SLC16A7: variants seen among roughly 807,000 people sequenced by gnomAD.
SLC16A7 encodes the protein solute carrier family 16 member 7.
A neutral mutation model predicts 34.9 loss-of-function variants in SLC16A7; 33 were observed. The observed-to-expected ratio is 0.94, with a 90% CI of 0.72 to 1.26. SLC16A7 has a LOEUF of 1.26. Ranked by LOEUF, SLC16A7 falls within the 50% of genes most tolerant of loss-of-function variation. The pLI, the probability that SLC16A7 is intolerant of heterozygous loss-of-function variation, is 0.00. For missense variants in SLC16A7, 573 were observed against 578.1 expected (o/e 0.99, Z 0.09); for synonymous variants, 201 against 206.6 (o/e 0.97, Z 0.23).
rs1186426806 is a variant in SLC16A7 at position 59,774,725 on chromosome 12, CCCATGGCAAATGGATTGG to C, written c.439_456del (p.Asn147_Ala152del). 2 of 1,613,440 alleles carry C rather than the reference CCCATGGCAAATGGATTGG, an allele frequency of 1.2e-6. No homozygotes were observed. The highest frequency in any genetic ancestry group is 2.7e-5 in the African/African-American group (2 of 74,882). On this transcript the variant is annotated inframe_deletion, in exon 5 of 6. Transcript: ENST00000547379. The stretch of plus-strand genomic sequence containing the variant: ...TGGCAAATACTTCTATAGGAAGCGA[CCCATGGCAAATGGATTGG>C]CCATGGCAGGAAGTCCTGTTTTCTT...
intron 3 of SLC16A7, among the ~76,000 whole-genome samples, chr12:59,756,426 C>T (rs1415668967): frequency 2.0e-5 from 3 of 151,436 alleles, no homozygotes; most frequent in Admixed American, 6.6e-5. Context: ...AACAAACAAC[C>T]CCATCAAAAA....
rs1351701227 is a variant in SLC16A7, at chr12:59,601,337, T to G, written c.-130+5101T>G. Among the ~76,000 whole-genome samples the G allele has an allele frequency of 2.0e-5, 3 of 152,212 alleles. No individual in the cohort carries two copies. The East Asian group carries it at 5.8e-4, about 29-fold the overall frequency. Reference sequence around the variant, plus strand: ...ATATCTATATCTTTTTTAACTAGATTAGATAAGAATAAAAAATAAAACTAC... The same window carrying G: ...ATATCTATATCTTTTTTAACTAGATGAGATAAGAATAAAAAATAAAACTAC... On this transcript the variant is annotated intron_variant, in intron 1 of 5. Coordinates refer to ENST00000547379, the MANE Select transcript of SLC16A7 (RefSeq NM_001270623.2).
intron 3 of SLC16A7, among the ~76,000 whole-genome samples, chr12:59,751,079 G>A (rs1056168805): frequency 1.4e-4 from 21 of 151,276 alleles, no homozygotes; most frequent in Non-Finnish European, 4.4e-5. Flanking sequence ...GGGGCTAGGG[G>A]AGGGACAGCA....
At chr12:59,765,421 G>T (rs1881494337) in intron 3 of SLC16A7, among the ~76,000 whole-genome samples, 2 of 152,188 alleles carry the variant, frequency 1.3e-5, no homozygotes, top group Non-Finnish European at 2.9e-5. Flanking sequence ...CCTATGTCCT[G>T]AATGGTAATG....
intron 3 of SLC16A7, among the ~76,000 whole-genome samples, chr12:59,759,337 G>A (rs1230000339): frequency 6.6e-6 from 1 of 151,802 alleles, no homozygotes; most frequent in African/African-American, 2.4e-5. Flanking sequence ...CATTAAAATA[G>A]GACCCCATTT....
At chr12:59,601,298 A>G (rs540699772) in intron 1 of SLC16A7, among the ~76,000 whole-genome samples, 10 of 152,376 alleles carry the variant, frequency 6.6e-5, no homozygotes, top group Non-Finnish European at 1.2e-4. Flanking sequence ...TGCCCTACTA[A>G]GTAATTAACT....
chr12:59,663,435 C>T (rs1190145946), intron 2 of SLC16A7, among the ~76,000 whole-genome samples: 1 of 151,854 alleles, frequency 6.6e-6, no homozygotes, highest in Non-Finnish European at 1.5e-5. Context: ...AAAGAAACTA[C>T]TTTGAGGTAT....
intron 1 of SLC16A7, among the ~76,000 whole-genome samples, chr12:59,619,854 A>C (rs1879618948): frequency 6.6e-6 from 1 of 152,060 alleles, no homozygotes; most frequent in Admixed American, 6.6e-5. Flanking sequence ...TAAACACTTT[A>C]CATGTGTCAC....
chr12:59,648,750 G>A (rs896371281), intron 1 of SLC16A7, among the ~76,000 whole-genome samples: 4 of 152,104 alleles, frequency 2.6e-5, no homozygotes, highest in African/African-American at 9.7e-5. Context: ...GAACTAATTG[G>A]TAAGTAGAAC....
chr12:59,641,212 G>A (rs1487178514), intron 1 of SLC16A7, among the ~76,000 whole-genome samples: 1 of 151,916 alleles, frequency 6.6e-6, no homozygotes, highest in Non-Finnish European at 1.5e-5. Context: ...TATCACACAA[G>A]CTAAAGAACC....
At chr12:59,719,811 T>A in intron 3 of SLC16A7, 1 of 341,886 alleles carries the variant, frequency 2.9e-6, no homozygotes, top group East Asian at 4.4e-5. Context: ...TGCCCTAGAT[T>A]TGCACTTTCC....
chr12:59,643,663 A>G (rs1436787907), intron 1 of SLC16A7, among the ~76,000 whole-genome samples: 2 of 152,182 alleles, frequency 1.3e-5, no homozygotes, highest in African/African-American at 4.8e-5. Context: ...TAGATTTACA[A>G]TATAGCTTAC....
chr12:59,602,636 A>G (rs1436926161), intron 1 of SLC16A7, among the ~76,000 whole-genome samples: 1 of 150,996 alleles, frequency 6.6e-6, no homozygotes, highest in Non-Finnish European at 1.5e-5. Context: ...GGCGCCCACC[A>G]TCACGTCTGG....
At chr12:59,739,187 TC>T (rs1397196249) in intron 3 of SLC16A7, among the ~76,000 whole-genome samples, 2 of 82,268 alleles carry the variant, frequency 2.4e-5, no homozygotes, top group African/African-American at 9.6e-5. Flanking sequence ...AAGCTATCCC[TC>T]CCCCCTCCCC....
chr12:59,679,952 C>T (rs1025634041), intron 2 of SLC16A7, among the ~76,000 whole-genome samples: 1 of 152,168 alleles, frequency 6.6e-6, no homozygotes, highest in African/African-American at 2.4e-5. Context: ...TGAAGACCAG[C>T]ACAGTTAATA....
rs1394054989 is a variant in SLC16A7, at chr12:59,787,069, T to G, written c.*7390T>G. The G allele has an allele frequency of 6.6e-6, 1 of 151,938 alleles. No individual in the cohort carries two copies. The highest frequency in any genetic ancestry group is 1.9e-4 in the East Asian group (1 of 5,192). 9.4% of individuals were successfully genotyped at this position (151,938 alleles called of 1,614,324 possible). A position where few individuals can be genotyped will look rare whatever the true frequency, so the allele number is the denominator to read the frequency against. The stretch of plus-strand genomic sequence containing the variant: ...CACAATATATGTTGTTATAGCAATA[T>G]CAAAATCATTTAAAACATCAATATT... On this transcript the variant is annotated 3_prime_UTR_variant, in exon 6 of 6. Transcript: ENST00000547379.
intron 2 of SLC16A7, among the ~76,000 whole-genome samples, chr12:59,700,253 G>A (rs573097894): frequency 2.0e-5 from 3 of 151,640 alleles, no homozygotes; most frequent in Non-Finnish European, 3.0e-5. Flanking sequence ...TATGTGCAGC[G>A]GTTCAGCATT....
chr12:59,611,545 C>T (rs1345332569), intron 1 of SLC16A7, among the ~76,000 whole-genome samples: 6 of 152,176 alleles, frequency 3.9e-5, no homozygotes, highest in Admixed American at 1.3e-4. Context: ...AAACTTATAT[C>T]CTCACATTTT....
At chr12:59,694,082 T>A (rs544636502) in intron 2 of SLC16A7, among the ~76,000 whole-genome samples, 1 of 152,072 alleles carries the variant, frequency 6.6e-6, no homozygotes, top group Admixed American at 6.6e-5. Flanking sequence ...CTATTACAAG[T>A]AAAGCCAATC....
Sources: gnomAD v4.1 joint callset for allele counts (sites outside exome capture counted in the v4.1 genomes callset) on GRCh38, gnomAD v4.1.1 for gene constraint, MANE v1.5 for transcripts, NCBI Gene and HGNC (gene_info 2026-07-23, HGNC 2026-07-21) for gene names.